TECPR2: variants seen among roughly 807,000 people sequenced by gnomAD.
TECPR2 encodes tectonin beta-propeller repeat containing 2.
Under a neutral mutation model 138.1 loss-of-function variants are expected in TECPR2, and 65 were observed. That is an observed-to-expected ratio of 0.47 (90% CI 0.39 to 0.58). The LOEUF is 0.58. TECPR2 is among the 20% of genes least tolerant of loss of function. TECPR2 has a pLI of 0.00. For missense variants in TECPR2, 1,553 were observed against 1,824.5 expected (o/e 0.85, Z 2.71); for synonymous variants, 746 against 749.8 (o/e 0.99, Z 0.08).
intron 12 of TECPR2, among the ~76,000 whole-genome samples, chr14:102,444,861 C>G (rs1218954674): frequency 6.6e-6 from 1 of 152,184 alleles, no homozygotes; most frequent in African/African-American, 2.4e-5. Context: ...AGGAGAATCA[C>G]TTGAACCTGG....
At chr14:102,414,612 G>T (rs755252580) in intron 4 of TECPR2, 24 bp from the exon 5 acceptor site, 2 of 1,613,310 alleles carry the variant, frequency 1.2e-6, no homozygotes, top group African/African-American at 2.7e-5. Context: ...CTGATGTGAG[G>T]TGTAACCAGA....
chr14:102,496,076 G>A (rs78980260), intron 17 of TECPR2, among the ~76,000 whole-genome samples: 1,582 of 152,366 alleles, frequency 0.01, 30 homozygotes, highest in African/African-American at 0.036. Context: ...GATGTGTGGC[G>A]GCAGCGAGGG....
chr14:102,487,659 A>G (rs934791602), intron 17 of TECPR2, among the ~76,000 whole-genome samples: 9 of 152,088 alleles, frequency 5.9e-5, no homozygotes, highest in African/African-American at 1.9e-4. Flanking sequence ...CTCCTGCCTC[A>G]GACTCCCGAG....
chr14:102,397,705 C>T (rs1181362388), intron 2 of TECPR2, among the ~76,000 whole-genome samples: 1 of 152,038 alleles, frequency 6.6e-6, no homozygotes, highest in Non-Finnish European at 1.5e-5. Context: ...CGAGATTGTG[C>T]CATTGCACTC....
chr14:102,442,820 C>A (rs1233569979), intron 11 of TECPR2, among the ~76,000 whole-genome samples: 2 of 152,208 alleles, frequency 1.3e-5, no homozygotes, highest in Non-Finnish European at 2.9e-5. Flanking sequence ...GGCCTAAGGT[C>A]AAGGAATACA....
chr14:102,406,987 A>G (rs1431667295), intron 2 of TECPR2, among the ~76,000 whole-genome samples: 2 of 152,064 alleles, frequency 1.3e-5, no homozygotes, highest in African/African-American at 2.4e-5. Flanking sequence ...AGCCTCCCAA[A>G]TAGCTGGGAT....
intron 1 of TECPR2, among the ~76,000 whole-genome samples, chr14:102,371,589 G>T (rs776073870): frequency 6.6e-6 from 1 of 152,144 alleles, no homozygotes; most frequent in South Asian, 2.1e-4. Context: ...TATGGCTTAC[G>T]GGCCTCTAGA....
At chr14:102,401,805 A>G (rs1017940642) in intron 2 of TECPR2, among the ~76,000 whole-genome samples, 2 of 22,734 alleles carry the variant, frequency 8.8e-5, no homozygotes, top group African/African-American at 3.9e-4. Flanking sequence ...ACTCCGTCTC[A>G]AAAAAAAAAA....
intron 17 of TECPR2, among the ~76,000 whole-genome samples, chr14:102,474,688 T>G (rs1489224042): frequency 1.3e-5 from 2 of 152,158 alleles, no homozygotes; most frequent in African/African-American, 4.8e-5. Flanking sequence ...TTTCCCATAA[T>G]GGGTAGGAAA....
At chr14:102,460,795 C>T (rs760429857) in intron 16 of TECPR2, among the ~76,000 whole-genome samples, 3 of 150,940 alleles carry the variant, frequency 2.0e-5, no homozygotes, top group Non-Finnish European at 3.0e-5. Flanking sequence ...CCCAGCTTCA[C>T]GCCATCCTCC....
In TECPR2 at chr14:102,414,671, A is replaced by G. The variant is rs142385149; in HGVS notation, c.516A>G (p.Pro172=). ...LCNSQLVLEE[P]SSIVQLDYSQ... is the part of the protein sequence containing the mutation. ...ACTCCCAGCTGGTGTTGGAGGAGCC[A>G]TCTTCCATTGTGCAGCTGGATTATA... The change falls in exon 5 of 20, where the codon CCA becomes CCG. Residue 172 remains proline (P), a synonymous_variant. Transcript: ENST00000359520. The G allele has an allele frequency of 6.3e-5, 102 of 1,614,264 alleles. No homozygotes were observed. The African/African-American group carries it at 1.1e-3, about 18-fold the overall frequency.
chr14:102,435,847 A>T (rs969244771), intron 9 of TECPR2, among the ~76,000 whole-genome samples: 4 of 152,176 alleles, frequency 2.6e-5, no homozygotes, highest in African/African-American at 7.2e-5. Flanking sequence ...TGATTTTTTT[A>T]AAAGTGCCTA....
At chr14:102,426,274 A>T (rs2139718171) in intron 6 of TECPR2, among the ~76,000 whole-genome samples, 1 of 152,236 alleles carries the variant, frequency 6.6e-6, no homozygotes, top group Admixed American at 6.5e-5. Flanking sequence ...AACATCATTA[A>T]AATCATGGTA....
intron 17 of TECPR2, among the ~76,000 whole-genome samples, chr14:102,493,414 T>C (rs1891200853): frequency 6.6e-6 from 1 of 152,142 alleles, no homozygotes; most frequent in African/African-American, 2.4e-5. Context: ...CTGGCAGGCC[T>C]CTCCCCTCCC....
At chr14:102,461,809 C>CT (rs1890418122) in intron 16 of TECPR2, among the ~76,000 whole-genome samples, 4 of 152,276 alleles carry the variant, frequency 2.6e-5, no homozygotes, top group African/African-American at 9.6e-5. Flanking sequence ...CTGCCTAACT[C>CT]TAAGGGAATG....
intron 17 of TECPR2, among the ~76,000 whole-genome samples, chr14:102,467,886 G>C (rs1289748262): frequency 9.2e-5 from 14 of 151,772 alleles, no homozygotes. Flanking sequence ...GCCCAGGCTG[G>C]AGTGCAGTGG....
At chr14:102,440,680 G>T in intron 11 of TECPR2, 71 bp downstream of exon 11, 1 of 1,530,474 alleles carries the variant, frequency 6.5e-7, no homozygotes, top group African/African-American at 1.4e-5. Context: ...TGCTTTGCTA[G>T]TAACATGCTT....
chr14:102,483,212 A>G (rs1890933537), intron 17 of TECPR2, among the ~76,000 whole-genome samples: 1 of 151,944 alleles, frequency 6.6e-6, no homozygotes. Flanking sequence ...GAAAGTTTGT[A>G]AGGTCTCTTT....
intron 16 of TECPR2, among the ~76,000 whole-genome samples, chr14:102,463,760 C>G (rs149426648): frequency 1.5e-3 from 229 of 152,008 alleles, no homozygotes; most frequent in African/African-American, 5.0e-3. Flanking sequence ...TCCATCTCTA[C>G]TAAAAATACA....
Sources: allele counts gnomAD v4.1 joint callset (sites outside exome capture counted in the v4.1 genomes callset), GRCh38; gene constraint gnomAD v4.1.1; transcripts MANE v1.5; gene names NCBI Gene and HGNC (gene_info 2026-07-23, HGNC 2026-07-21).